HPCAL1: variants seen among roughly 807,000 people sequenced by gnomAD.
HPCAL1 encodes hippocalcin-like protein 1.
HPCAL1 carries 8 observed loss-of-function variants against 17.1 expected under a neutral mutation model. That is an observed-to-expected ratio of 0.47 (90% CI 0.27 to 0.84). The LOEUF (loss-of-function observed/expected upper bound fraction) is 0.84, where lower values mean the gene tolerates loss of function less well. HPCAL1 is among the 40% of genes least tolerant of loss of function. The pLI, the probability that HPCAL1 is intolerant of heterozygous loss-of-function variation, is 0.13. For synonymous variants in HPCAL1, 112 were observed against 111.4 expected (o/e 1.01, Z -0.03); for missense variants, 165 against 271.1 (o/e 0.61, Z 2.75).
Position 10,427,240 on chromosome 2 carries a change from C to T in HPCAL1, c.*419C>T. 1 of 188,570 alleles carries T rather than the reference C, an allele frequency of 5.3e-6. No individual in the cohort carries two copies. Among genetic ancestry groups the T allele is most frequent in the Non-Finnish European group, 1.1e-5 (1 of 90,148 alleles). 11.7% of individuals were successfully genotyped at this position (188,570 alleles called of 1,614,324 possible). On this transcript the variant is annotated 3_prime_UTR_variant, in exon 5 of 5. Transcript: ENST00000307845. ...AGGCGTCGGGAGGGTATACAGGGAG[C>T]CCCTCCCGTGCATGGCTGCCCCCCC...
At position 10,344,212 on chromosome 2, in the gene HPCAL1, G is replaced by A. The variant is rs557711740; in HGVS notation, c.-111+41035G>A. ...CGCTCCTGGCTCAGAGGACCCTGGG[G>A]ACGTGGTCTTTGATGCTTGCTTTCC... On this transcript the variant is annotated intron_variant, in intron 1 of 4. Coordinates refer to ENST00000307845, the MANE Select transcript of HPCAL1 (RefSeq NM_002149.4). This position sits in a 1 kb window ranked among gnomAD's most constrained non-coding sequence, Gnocchi z 4.9. Among the ~76,000 whole-genome samples, 1 of 152,202 alleles carries A rather than the reference G, an allele frequency of 6.6e-6. No individual in the cohort carries two copies. The highest frequency in any genetic ancestry group is 1.5e-5 in the Non-Finnish European group (1 of 68,042).
chr2:10,345,677 G>A (rs1379785417), intron 1 of HPCAL1, among the ~76,000 whole-genome samples: 2 of 151,966 alleles, frequency 1.3e-5, no homozygotes, highest in South Asian at 2.1e-4. Context: ...GGCTGGTCTC[G>A]AACTCTTGGG....
At chr2:10,369,994 G>T (rs1445316788) in intron 1 of HPCAL1, among the ~76,000 whole-genome samples, 2 of 152,166 alleles carry the variant, frequency 1.3e-5, no homozygotes, top group African/African-American at 4.8e-5. Flanking sequence ...GCGCCTACCT[G>T]GCCCACTTAT....
chr2:10,320,981 G>A (rs751613996), intron 1 of HPCAL1, among the ~76,000 whole-genome samples: 29 of 152,300 alleles, frequency 1.9e-4, no homozygotes, highest in Non-Finnish European at 3.5e-4. Flanking sequence ...ATGGAAGAGC[G>A]TGAGTGTATT....
At chr2:10,406,184 TC>T (rs1256379739) in intron 2 of HPCAL1, 1 of 152,402 alleles carries the variant, frequency 6.6e-6, no homozygotes, top group African/African-American at 2.4e-5. Flanking sequence ...TGGGGATTCC[TC>T]GTCGTGCAGG....
rs1665258686 is a variant in HPCAL1 at position 10,344,117 on chromosome 2, C to A, written c.-111+40940C>A. On this transcript the variant is annotated intron_variant, in intron 1 of 4. Transcript: ENST00000307845. The surrounding 1 kb of genome is among the most constrained non-coding windows in gnomAD (Gnocchi z 4.9). Reference sequence around the variant, plus strand: ...AAAACACAACACGAAAAAGCCAGAACAAAACAAGCAGACGGTTGAGGACTG... The same window carrying A: ...AAAACACAACACGAAAAAGCCAGAAAAAAACAAGCAGACGGTTGAGGACTG... Among the ~76,000 whole-genome samples the A allele has an allele frequency of 6.6e-6, 1 of 152,210 alleles. No homozygotes were observed. Among genetic ancestry groups the A allele is most frequent in the African/African-American group, 2.4e-5 (1 of 41,452 alleles).
In HPCAL1 at chr2:10,342,479, C is replaced by T. The variant is rs960066282; in HGVS notation, c.-111+39302C>T. On this transcript the variant is annotated intron_variant, in intron 1 of 4. Coordinates refer to ENST00000307845, the MANE Select transcript of HPCAL1 (RefSeq NM_002149.4). The surrounding 1 kb of genome is among the most constrained non-coding windows in gnomAD (Gnocchi z 4.1). ...GGAGGCGTGCAGAAACAACGTAGCT[C>T]CAAGGAGGACTGATCAGCCCAGCCT... Among the ~76,000 whole-genome samples the T allele has an allele frequency of 7.2e-5, 11 of 151,824 alleles. No individual in the cohort carries two copies. Among genetic ancestry groups the T allele is most frequent in the African/African-American group, 2.7e-4 (11 of 41,402 alleles).
intron 1 of HPCAL1, among the ~76,000 whole-genome samples, chr2:10,312,062 A>G (rs913573696): frequency 2.5e-4 from 37 of 150,144 alleles, no homozygotes; most frequent in Admixed American, 1.3e-4. Flanking sequence ...CATCACTATC[A>G]TCCCCACCAT....
chr2:10,333,631 AT>A (rs1379390720), intron 1 of HPCAL1, among the ~76,000 whole-genome samples: 1 of 152,092 alleles, frequency 6.6e-6, no homozygotes, highest in African/African-American at 2.4e-5. Context: ...TTTGAGTTTG[AT>A]TTGATTTTTG....
intron 1 of HPCAL1, among the ~76,000 whole-genome samples, chr2:10,340,477 C>T (rs1393212697): frequency 6.7e-6 from 1 of 150,288 alleles, no homozygotes; most frequent in African/African-American, 2.5e-5. Flanking sequence ...CAGAATATCC[C>T]TCAGATAGTA....
At chr2:10,357,698 C>A (rs893162513) in intron 1 of HPCAL1, among the ~76,000 whole-genome samples, 2 of 152,152 alleles carry the variant, frequency 1.3e-5, no homozygotes, top group African/African-American at 4.8e-5. Context: ...GTTATTTACT[C>A]GTTTTGTTTT....
chr2:10,426,903 A>C lies in HPCAL1; in HGVS notation c.*82A>C. 7.6e-7 allele frequency: 1 copy of C among 1,320,126 alleles called. No individual in the cohort carries two copies. The highest frequency in any genetic ancestry group is 1.1e-6 in the Non-Finnish European group (1 of 920,300). 81.8% of individuals were successfully genotyped at this position (1,320,126 alleles called of 1,614,324 possible). A position where few individuals can be genotyped will look rare whatever the true frequency, so the allele number is the denominator to read the frequency against. On this transcript the variant is annotated 3_prime_UTR_variant, in exon 5 of 5. Transcript: ENST00000307845. ...TTGCTTGCAAGAGTGGATGCCCCGC[A>C]ATCGTTCCTGCTCTCCCGGGCCCCG...
intron 1 of HPCAL1, among the ~76,000 whole-genome samples, chr2:10,382,546 C>T (rs970732298): frequency 6.9e-6 from 1 of 145,848 alleles, no homozygotes; most frequent in Non-Finnish European, 1.5e-5. Flanking sequence ...GCTTTCCACG[C>T]GATTTTGCTG....
At chr2:10,421,248 C>T (rs1330764416) in intron 3 of HPCAL1, among the ~76,000 whole-genome samples, 1 of 152,216 alleles carries the variant, frequency 6.6e-6, no homozygotes. Context: ...CTTTAGGAGG[C>T]ATCTCTTCAC....
At chr2:10,333,008 GC>G (rs1243311699) in intron 1 of HPCAL1, among the ~76,000 whole-genome samples, 3 of 151,848 alleles carry the variant, frequency 2.0e-5, no homozygotes, top group African/African-American at 7.3e-5. Context: ...CTTTGTTGGG[GC>G]TCTGTGGGAG....
rs946252749 is a variant in HPCAL1 at position 10,426,970 on chromosome 2, G to A, written c.*149G>A. 1.9e-5 allele frequency: 13 copies of A among 666,818 alleles called. No homozygotes were observed. Among genetic ancestry groups the A allele is most frequent in the East Asian group, 1.1e-4 (4 of 36,344 alleles). 41.3% of individuals were successfully genotyped at this position (666,818 alleles called of 1,614,324 possible). ...TGCACCTGCCCAGCCCGGTGGCTGC[G>A]CCTCCCTCCTCCACCTGACCAACGC... On this transcript the variant is annotated 3_prime_UTR_variant, in exon 5 of 5. Coordinates refer to ENST00000307845, the MANE Select transcript of HPCAL1 (RefSeq NM_002149.4).
intron 1 of HPCAL1, among the ~76,000 whole-genome samples, chr2:10,364,341 G>A (rs781229044): frequency 2.0e-5 from 3 of 152,224 alleles, no homozygotes; most frequent in Non-Finnish European, 4.4e-5. Context: ...CGAGAGGTGA[G>A]GGTGAGGCCC....
chr2:10,376,802 A>G (rs1667592287), intron 1 of HPCAL1, among the ~76,000 whole-genome samples: 1 of 152,166 alleles, frequency 6.6e-6, no homozygotes, highest in Non-Finnish European at 1.5e-5. Flanking sequence ...GAACATTTTT[A>G]CATACTGTAT....
At chr2:10,386,357 C>G (rs1009534676) in intron 1 of HPCAL1, among the ~76,000 whole-genome samples, 1 of 152,224 alleles carries the variant, frequency 6.6e-6, no homozygotes, top group African/African-American at 2.4e-5. Context: ...TGCCTACTCG[C>G]TGACTCATTC....
Sources: gnomAD v4.1 joint callset for allele counts (sites outside exome capture counted in the v4.1 genomes callset) on GRCh38, gnomAD v4.1.1 for gene constraint, Gnocchi (gnomAD v3.1) non-coding constraint, MANE v1.5 for transcripts, NCBI Gene and HGNC (gene_info 2026-07-23, HGNC 2026-07-21) for gene names.